Variants in PCSK5 observed in about 807,000 individuals in gnomAD.
The protein encoded by PCSK5 is prohormone convertase 5.
In PCSK5, 129 loss-of-function variants were observed where a neutral mutation model predicts 233.2. The ratio of observed to expected loss-of-function variants is 0.55; its 90% CI spans 0.48 to 0.64. The LOEUF (loss-of-function observed/expected upper bound fraction) is 0.64. Ranked by LOEUF, PCSK5 falls within the 30% of genes least tolerant of loss-of-function variation. PCSK5 has a pLI of 0.00. For missense variants in PCSK5, 2,076 were observed against 2,430.1 expected, an observed-to-expected ratio of 0.85 and a Z score of 3.06; for synonymous variants, 825 against 879.2, an observed-to-expected ratio of 0.94 and a Z score of 1.09.
At chr9:76,193,107 A>T in intron 20 of PCSK5, 1 of 658,408 alleles carries the variant, frequency 1.5e-6, no homozygotes, top group Non-Finnish European at 2.4e-6. Flanking sequence ...CCTCCTGTTG[A>T]CTACTCCTGA....
chr9:76,355,979 T>G (rs990826173), intron 37 of PCSK5, among the ~76,000 whole-genome samples: 1 of 152,140 alleles, frequency 6.6e-6, no homozygotes, highest in African/African-American at 2.4e-5. Context: ...GCTGAGATTA[T>G]AGGCGTGAGC....
intron 20 of PCSK5, among the ~76,000 whole-genome samples, chr9:76,225,729 T>C (rs997815099): frequency 1.3e-5 from 2 of 152,234 alleles, no homozygotes; most frequent in African/African-American, 4.8e-5. Context: ...CCACTCCTGC[T>C]AGATGGAGGT....
chr9:76,131,953 T>C (rs1822775927), intron 9 of PCSK5, among the ~76,000 whole-genome samples: 1 of 152,136 alleles, frequency 6.6e-6, no homozygotes, highest in South Asian at 2.1e-4. Flanking sequence ...GGTATCTCAC[T>C]GTTTACTCAT....
intron 5 of PCSK5, among the ~76,000 whole-genome samples, chr9:76,048,854 G>A (rs1829518593): frequency 6.6e-6 from 1 of 152,288 alleles, no homozygotes; most frequent in Non-Finnish European, 1.5e-5. Context: ...ATGATGCATT[G>A]TATTTATTGA....
chr9:76,032,749 A>G (rs1490824913), intron 5 of PCSK5, among the ~76,000 whole-genome samples: 1 of 152,302 alleles, frequency 6.6e-6, no homozygotes, highest in East Asian at 1.9e-4. Flanking sequence ...CTAGCATTTC[A>G]TACTACTACT....
chr9:76,204,482 T>C (rs35258503), intron 20 of PCSK5, among the ~76,000 whole-genome samples: 1 of 151,474 alleles, frequency 6.6e-6, no homozygotes, highest in African/African-American at 2.4e-5. Context: ...CTCTCTCTCT[T>C]TCTCTCCTCT....
At chr9:76,302,887 C>T (rs893913578) in intron 28 of PCSK5, among the ~76,000 whole-genome samples, 1 of 151,318 alleles carries the variant, frequency 6.6e-6, no homozygotes, top group Non-Finnish European at 1.5e-5. Context: ...ATAAATGAAC[C>T]CCTTGCTTTA....
At position 76,200,636 on chromosome 9, in the gene PCSK5, A is replaced by T. The variant is rs150940796; in HGVS notation, c.2626+10890A>T. On this transcript the variant is annotated intron_variant, in intron 20 of 37. Coordinates refer to ENST00000674117, the MANE Select transcript of PCSK5 (RefSeq NM_001372043.1). ...TGACATTTGACCTGGGCCTTGAAGGATAAGCAAGAAATTAAAAATCAAAGA... is the reference window on the plus strand; with the variant it reads ...TGACATTTGACCTGGGCCTTGAAGGTTAAGCAAGAAATTAAAAATCAAAGA... Among the ~76,000 whole-genome samples, 998 of 152,340 alleles carry T rather than the reference A, an allele frequency of 6.6e-3. 11 individuals carry two copies. Among genetic ancestry groups the T allele is most frequent in the South Asian group, 0.037 (177 of 4,830 alleles).
chr9:75,900,702 CTTT>C (rs74398159), intron 1 of PCSK5, among the ~76,000 whole-genome samples: 6 of 134,150 alleles, frequency 4.5e-5, no homozygotes, highest in Admixed American at 7.5e-5. Context: ...AAACAAACAA[CTTT>C]TTTTTTTTTT....
intron 35 of PCSK5, among the ~76,000 whole-genome samples, chr9:76,346,955 A>G (rs775263861): frequency 6.6e-6 from 1 of 152,190 alleles, no homozygotes; most frequent in Non-Finnish European, 1.5e-5. Context: ...GCAGGAAAAC[A>G]TAGCATACTC....
At chr9:75,982,020 G>C (rs1239593761) in intron 2 of PCSK5, among the ~76,000 whole-genome samples, 3 of 152,178 alleles carry the variant, frequency 2.0e-5, no homozygotes, top group Non-Finnish European at 4.4e-5. Context: ...AAAGCAACCA[G>C]TTTATCAGGT....
At chr9:75,986,045 C>A in intron 2 of PCSK5, 87 bp from the exon 3 acceptor site, 1 of 787,052 alleles carries the variant, frequency 1.3e-6, no homozygotes, top group Non-Finnish European at 2.2e-6. Context: ...ATAGCCTTGA[C>A]TTACAATGGG....
intron 6 of PCSK5, among the ~76,000 whole-genome samples, chr9:76,071,057 T>A (rs1486438403): frequency 1.3e-5 from 2 of 152,226 alleles, no homozygotes; most frequent in Non-Finnish European, 2.9e-5. Flanking sequence ...TCTTAATGTC[T>A]CTTTTTGCAA....
intron 20 of PCSK5, among the ~76,000 whole-genome samples, chr9:76,191,550 G>A (rs1456043626): frequency 6.6e-6 from 1 of 152,204 alleles, no homozygotes; most frequent in Non-Finnish European, 1.5e-5. Flanking sequence ...AGCACTGATA[G>A]GACATCATTT....
intron 8 of PCSK5, among the ~76,000 whole-genome samples, chr9:76,106,151 C>T (rs1330435978): frequency 6.6e-6 from 1 of 152,168 alleles, no homozygotes; most frequent in Non-Finnish European, 1.5e-5. Context: ...CTTTCATGAC[C>T]GTTTTCCTAT....
At chr9:76,267,125 T>C (rs1427165927) in intron 24 of PCSK5, among the ~76,000 whole-genome samples, 1 of 152,188 alleles carries the variant, frequency 6.6e-6, no homozygotes, top group African/African-American at 2.4e-5. Context: ...CTGCAGTGTC[T>C]GAGAGAGGCA....
intron 24 of PCSK5, among the ~76,000 whole-genome samples, chr9:76,259,954 C>T (rs1251238329): frequency 6.6e-6 from 1 of 152,194 alleles, no homozygotes; most frequent in Non-Finnish European, 1.5e-5. Flanking sequence ...AGCCCTTTCT[C>T]TTCCTCACCA....
intron 24 of PCSK5, chr9:76,286,373 T>C (rs184842138): frequency 5.3e-5 from 8 of 152,346 alleles, no homozygotes; most frequent in African/African-American, 1.9e-4. Context: ...CCTGCCCACA[T>C]CTGAACACAT....
At chr9:76,046,155 CTTTTGTTTTTTTTTTTTTTTTTT>C (rs1829366317) in intron 5 of PCSK5, among the ~76,000 whole-genome samples, 1 of 55,702 alleles carries the variant, frequency 1.8e-5, no homozygotes, top group East Asian at 5.5e-4. Flanking sequence ...ATAATTTTTT[CTTTTGTTTTTTTTTTTTTTTTTT>C]TTTTTTTTTT....
Sources: allele counts gnomAD v4.1 joint callset (sites outside exome capture counted in the v4.1 genomes callset), GRCh38; gene constraint gnomAD v4.1.1; transcripts MANE v1.5; gene names NCBI Gene and HGNC (gene_info 2026-07-23, HGNC 2026-07-21).